KDM7A: variants seen among roughly 807,000 people sequenced by gnomAD.
The protein encoded by KDM7A is lysine-specific demethylase 7A.
A neutral mutation model predicts 114.8 loss-of-function variants in KDM7A; 28 were observed. The observed-to-expected ratio is 0.24, with a 90% CI of 0.18 to 0.33. KDM7A has a LOEUF of 0.33. Ranked by LOEUF, KDM7A falls within the 10% of genes least tolerant of loss-of-function variation. The pLI, the probability that KDM7A is intolerant of heterozygous loss-of-function variation, is 1.00. For missense variants in KDM7A, 942 were observed against 1,142.5 expected, an observed-to-expected ratio of 0.82 and a Z score of 2.53; for synonymous variants, 423 against 397.8, an observed-to-expected ratio of 1.06 and a Z score of -0.75.
chr7:140,126,901 C>T, intron 5 of KDM7A, 78 bp from the exon 6 acceptor site: 3 of 1,040,746 alleles, frequency 2.9e-6, no homozygotes, highest in Non-Finnish European at 4.3e-6. Context: ...CTCATCTATT[C>T]CCAAACCAAA....
At chr7:140,108,368 G>A (rs1194669871) in intron 11 of KDM7A, among the ~76,000 whole-genome samples, 1 of 152,040 alleles carries the variant, frequency 6.6e-6, no homozygotes, top group East Asian at 1.9e-4. Context: ...TCTGATTTTT[G>A]GAATTTTCAG....
At chr7:140,169,594 C>T (rs867954452) in intron 1 of KDM7A, among the ~76,000 whole-genome samples, 2 of 152,100 alleles carry the variant, frequency 1.3e-5, no homozygotes, top group Non-Finnish European at 2.9e-5. Flanking sequence ...GGCGTGATCT[C>T]GGCTCACTGC....
chr7:140,126,541 CTTTACAAGTAACA>C, intron 6 of KDM7A, 83 bp downstream of exon 6: 1 of 667,022 alleles, frequency 1.5e-6, no homozygotes, highest in Non-Finnish European at 2.3e-6. Flanking sequence ...AAACTTCCCC[CTTTACAAGTAACA>C]TTTACAAGAA....
At position 140,100,722 on chromosome 7, in the gene KDM7A, A is replaced by G. The variant is rs1354715549; in HGVS notation, c.1639-699T>C. 3.3e-4 allele frequency among the ~76,000 whole-genome samples: 12 copies of G among 35,872 alleles called. No homozygotes were observed. The South Asian group carries it at 3.6e-3, about 11-fold the overall frequency. 23.5% of individuals were successfully genotyped at this position (35,872 alleles called of 152,430 possible). On this transcript the variant is annotated intron_variant, in intron 12 of 19. Coordinates refer to ENST00000397560, the MANE Select transcript of KDM7A (RefSeq NM_030647.2). ...TATATATATATACACATATATATATATATATATATATATATATATACATAT... is the reference window on the plus strand; with the variant it reads ...TATATATATATACACATATATATATGTATATATATATATATATATACATAT...
In KDM7A at chr7:140,101,407, T is replaced by C. The variant is rs79055658; in HGVS notation, c.1638+544A>G. Among the ~76,000 whole-genome samples the C allele has an allele frequency of 4.5e-3, 691 of 152,302 alleles. 3 individuals carry two copies. The highest frequency in any genetic ancestry group is 6.8e-3 in the Admixed American group (104 of 15,298). ...GCTCTTCCCTCTGCCTGTAATGCCA[T>C]TCCTCCAATCACCACGTAACCATTT... On this transcript the variant is annotated intron_variant, in intron 12 of 19. Coordinates refer to ENST00000397560, the MANE Select transcript of KDM7A (RefSeq NM_030647.2).
At chr7:140,116,380 C>T (rs890351048) in intron 9 of KDM7A, among the ~76,000 whole-genome samples, 2 of 151,944 alleles carry the variant, frequency 1.3e-5, no homozygotes, top group Non-Finnish European at 2.9e-5. Context: ...TAAAAGGTTA[C>T]AAGAGAATAC....
intron 9 of KDM7A, among the ~76,000 whole-genome samples, chr7:140,116,065 T>C (rs1050901237): frequency 3.3e-5 from 5 of 152,184 alleles, no homozygotes; most frequent in Non-Finnish European, 5.9e-5. Flanking sequence ...GGAACTCTCT[T>C]GCCCTGCCAT....
chr7:140,126,798 C>G lies in KDM7A; in HGVS notation c.727G>C (p.Asp243His), dbSNP rs565156123. 4.3e-6 allele frequency: 7 copies of G among 1,613,700 alleles called. No individual in the cohort carries two copies. The African/African-American group carries it at 9.3e-5, about 22-fold the overall frequency. ...ACCCAGGAAAGTTTTTTGGCTATAT[C>G]AGGGACCTCCACCAATTCAGACATC... ...TKMSELVEVP[D>H]IAKKLSWVEN... The change falls in exon 6 of 20, where the codon GAT becomes CAT. Residue 243 changes from aspartate (D) to histidine (H), a missense_variant. Around this residue, in one of 4 missense-constraint regions of KDM7A, gnomAD observed 318 missense variants for 453.1 expected, o/e 0.70. Transcript: ENST00000397560.
intron 9 of KDM7A, among the ~76,000 whole-genome samples, chr7:140,114,239 C>A (rs1356278029): frequency 6.6e-6 from 1 of 152,170 alleles, no homozygotes; most frequent in South Asian, 2.1e-4. Flanking sequence ...ACTGTACTGC[C>A]GCCATCTCGG....
At chr7:140,165,665 C>T (rs1661372436) in intron 1 of KDM7A, among the ~76,000 whole-genome samples, 1 of 152,028 alleles carries the variant, frequency 6.6e-6, no homozygotes, top group African/African-American at 2.4e-5. Flanking sequence ...TACTACCTGC[C>T]CACAAGTCTC....
intron 1 of KDM7A, among the ~76,000 whole-genome samples, chr7:140,161,536 GTTTT>G (rs923657449): frequency 2.7e-5 from 4 of 150,774 alleles, no homozygotes; most frequent in African/African-American, 4.9e-5. Context: ...TTGTTTTTTC[GTTTT>G]TTTGTTTTTT....
Position 140,176,930 on chromosome 7 carries a change from C to A in KDM7A, c.8G>T (p.Gly3Val). 1 of 1,159,818 alleles carries A rather than the reference C, an allele frequency of 8.6e-7. No homozygotes were observed. The highest frequency in any genetic ancestry group is 3.8e-5 in the South Asian group (1 of 26,196). The allele number at this position is 1,159,818 out of a possible 1,614,324, so 71.8% of individuals were successfully genotyped here. The change falls in exon 1 of 20, where the codon GGA becomes GTA. Residue 3 changes from glycine (G) to valine (V), a missense_variant. Gly to Val is a moderately radical substitution (Grantham distance 109). Around this residue, in one of 4 missense-constraint regions of KDM7A, gnomAD observed 112 missense variants for 96.2 expected, o/e 1.16. Coordinates refer to ENST00000397560, the MANE Select transcript of KDM7A (RefSeq NM_030647.2). The surrounding 1 kb of genome is among the most constrained non-coding windows in gnomAD (Gnocchi z 4.4). Reference sequence around the variant, plus strand: ...TCCCGCGGCCACCGCCGCCGCCGCTCCGGCCATCTTTAAAAAACACACACA... The same window carrying A: ...TCCCGCGGCCACCGCCGCCGCCGCTACGGCCATCTTTAAAAAACACACACA... MAGAAAAVAAGAA... is the reference protein window; with the variant it reads MAVAAAAVAAGAA...
chr7:140,100,687 T>TA (rs1562945948), intron 12 of KDM7A, among the ~76,000 whole-genome samples: 1 of 40,926 alleles, frequency 2.4e-5, no homozygotes, highest in Non-Finnish European at 4.3e-5. Context: ...TATACATATA[T>TA]ACATATATAT....
intron 6 of KDM7A, among the ~76,000 whole-genome samples, chr7:140,125,100 T>C (rs1179520026): frequency 6.6e-6 from 1 of 152,218 alleles, no homozygotes; most frequent in Non-Finnish European, 1.5e-5. Context: ...AGTAAATATG[T>C]GTTGACAGGC....
At chr7:140,095,277 G>T (rs1343061880) in intron 17 of KDM7A, among the ~76,000 whole-genome samples, 5 of 152,182 alleles carry the variant, frequency 3.3e-5, no homozygotes, top group Admixed American at 2.6e-4. Context: ...TATTTCCATA[G>T]AAGTGTTCTC....
intron 1 of KDM7A, among the ~76,000 whole-genome samples, chr7:140,153,113 C>T (rs1794419183): frequency 6.6e-6 from 1 of 151,990 alleles, no homozygotes. Flanking sequence ...CCACCTCGGC[C>T]TCCCAAAGTG....
intron 9 of KDM7A, among the ~76,000 whole-genome samples, chr7:140,116,779 TA>T (rs1818538241): frequency 6.6e-6 from 1 of 152,168 alleles, no homozygotes; most frequent in South Asian, 2.1e-4. Flanking sequence ...ACAAACAAAA[TA>T]TATTAGATGT....
chr7:140,175,890 T>TAA (rs1360760296), intron 1 of KDM7A, among the ~76,000 whole-genome samples: 1 of 152,018 alleles, frequency 6.6e-6, no homozygotes, highest in Non-Finnish European at 1.5e-5. Flanking sequence ...GCACTCTTTG[T>TAA]AAAGTTTAAG....
At chr7:140,099,174 C>T (rs1026018748) in intron 13 of KDM7A, 141 bp from the exon 14 acceptor site, 8 of 697,088 alleles carry the variant, frequency 1.1e-5, no homozygotes, top group African/African-American at 3.6e-5. Flanking sequence ...CAATAGTATG[C>T]GCTAGGGATC....
Sources: gnomAD v4.1 joint callset for allele counts (sites outside exome capture counted in the v4.1 genomes callset) on GRCh38, gnomAD v4.1.1 for gene constraint, gnomAD v4.1.1 regional missense constraint, Gnocchi (gnomAD v3.1) non-coding constraint, MANE v1.5 for transcripts, NCBI Gene and HGNC (gene_info 2026-07-23, HGNC 2026-07-21) for gene names.